The following CEP112 variants were observed in gnomAD, a reference collection of about 807,000 sequenced individuals.
CEP112 encodes centrosomal protein of 112 kDa.
CEP112 carries 127 observed loss-of-function variants against 153.0 expected under a neutral mutation model. That is an observed-to-expected ratio of 0.83 (90% CI 0.72 to 0.96). The LOEUF is 0.96. Among genes scored for constraint, CEP112 ranks in the 40% least tolerant of loss-of-function variants. CEP112 has a pLI of 0.00. For synonymous variants in CEP112, 358 were observed against 374.4 expected (o/e 0.96, Z 0.51); for missense variants, 1,089 against 1,101.2 (o/e 0.99, Z 0.16).
At chr17:65,855,300 A>G (rs1339765033) in intron 20 of CEP112, among the ~76,000 whole-genome samples, 1 of 152,148 alleles carries the variant, frequency 6.6e-6, no homozygotes, top group African/African-American at 2.4e-5. Flanking sequence ...CATAGTGTTG[A>G]CATCAGTCAG....
intron 19 of CEP112, chr17:65,903,232 G>GA (rs1338050095): frequency 6.6e-6 from 1 of 152,168 alleles, no homozygotes; most frequent in Non-Finnish European, 1.5e-5. Context: ...AGTTTTGGTG[G>GA]ATTTCAGGGG....
intron 21 of CEP112, among the ~76,000 whole-genome samples, chr17:65,820,035 A>C (rs575263545): frequency 1.3e-5 from 2 of 152,230 alleles, no homozygotes; most frequent in East Asian, 3.9e-4. Flanking sequence ...AGCTGGGTGA[A>C]GGACATATGG....
intron 4 of CEP112, among the ~76,000 whole-genome samples, chr17:66,153,688 C>T (rs1598450181): frequency 6.6e-6 from 1 of 151,988 alleles, no homozygotes; most frequent in African/African-American, 2.4e-5. Flanking sequence ...CAAGAATAGC[C>T]AAGGCAATCT....
At chr17:65,964,004 G>T (rs1165290753) in intron 17 of CEP112, among the ~76,000 whole-genome samples, 12 of 152,194 alleles carry the variant, frequency 7.9e-5, no homozygotes, top group Admixed American at 7.2e-4. Context: ...GCCCCAAGGT[G>T]TGTGATGCCC....
chr17:65,956,579 C>T (rs1369886964), intron 18 of CEP112, among the ~76,000 whole-genome samples: 2 of 150,370 alleles, frequency 1.3e-5, no homozygotes, highest in Admixed American at 6.7e-5. Context: ...GGTATGAAGA[C>T]ACAAACACAT....
intron 5 of CEP112, among the ~76,000 whole-genome samples, chr17:66,131,724 G>A (rs2070176128): frequency 6.6e-6 from 1 of 151,974 alleles, no homozygotes; most frequent in South Asian, 2.1e-4. Flanking sequence ...TCCAGCCTGG[G>A]CGACAGAGCA....
intron 17 of CEP112, among the ~76,000 whole-genome samples, chr17:65,986,827 A>G (rs2063426748): frequency 6.6e-6 from 1 of 152,300 alleles, no homozygotes; most frequent in South Asian, 2.1e-4. Flanking sequence ...AAAATCTTCA[A>G]GAGAATATGA....
intron 20 of CEP112, among the ~76,000 whole-genome samples, chr17:65,883,917 GA>G (rs903831796): frequency 3.9e-5 from 6 of 152,076 alleles, no homozygotes; most frequent in African/African-American, 4.8e-5. Flanking sequence ...TAAGAGAAAG[GA>G]AAAAAATCAA....
chr17:65,697,282 G>A (rs1487754002), intron 23 of CEP112, among the ~76,000 whole-genome samples: 1 of 152,102 alleles, frequency 6.6e-6, no homozygotes, highest in Non-Finnish European at 1.5e-5. Context: ...AATTATAAAG[G>A]TGAAATAAGG....
chr17:65,743,915 C>T (rs530740736), intron 22 of CEP112, among the ~76,000 whole-genome samples: 60 of 151,958 alleles, frequency 3.9e-4, no homozygotes, highest in Middle Eastern at 3.4e-3. Flanking sequence ...GTGCCCGTCA[C>T]GATGCCCAGC....
chr17:65,668,204 C>T (rs1567836651), intron 24 of CEP112, among the ~76,000 whole-genome samples: 1 of 152,070 alleles, frequency 6.6e-6, no homozygotes, highest in Admixed American at 6.6e-5. Flanking sequence ...CCTCCTTGGG[C>T]ACTATTCTTA....
chr17:66,116,431 T>C (rs2069297208), intron 6 of CEP112, among the ~76,000 whole-genome samples: 1 of 152,192 alleles, frequency 6.6e-6, no homozygotes, highest in African/African-American at 2.4e-5. Flanking sequence ...TTGGCTTTGT[T>C]TTTTTAATTG....
intron 6 of CEP112, among the ~76,000 whole-genome samples, chr17:66,109,794 A>G (rs2068942719): frequency 6.6e-6 from 1 of 152,194 alleles, no homozygotes; most frequent in South Asian, 2.1e-4. Flanking sequence ...TATATAAACA[A>G]AAACAGGGCA....
intron 17 of CEP112, among the ~76,000 whole-genome samples, chr17:66,002,275 T>C (rs2064091572): frequency 6.6e-6 from 1 of 152,176 alleles, no homozygotes; most frequent in Non-Finnish European, 1.5e-5. Context: ...TTGATACAAT[T>C]ACTGTGTCAG....
At chr17:65,796,239 A>C (rs2054903448) in intron 21 of CEP112, among the ~76,000 whole-genome samples, 1 of 152,128 alleles carries the variant, frequency 6.6e-6, no homozygotes, top group Non-Finnish European at 1.5e-5. Flanking sequence ...AGTTATGTAG[A>C]TATGTTTGTC....
chr17:66,035,992 A>G (rs1568412910), intron 12 of CEP112, among the ~76,000 whole-genome samples: 1 of 152,236 alleles, frequency 6.6e-6, no homozygotes, highest in Non-Finnish European at 1.5e-5. Context: ...TGAATAGCTA[A>G]AGAAAATGTG....
chr17:65,784,413 T>C (rs139439430), intron 21 of CEP112, among the ~76,000 whole-genome samples: 57 of 152,344 alleles, frequency 3.7e-4, no homozygotes, highest in African/African-American at 1.4e-3. Flanking sequence ...AAAGAACTAT[T>C]TGCCTCAGCT....
intron 20 of CEP112, among the ~76,000 whole-genome samples, chr17:65,879,702 T>C (rs983243932): frequency 2.0e-5 from 3 of 152,006 alleles, no homozygotes; most frequent in African/African-American, 7.2e-5. Flanking sequence ...AAATTTATTA[T>C]ATTTATTAAA....
At chr17:65,999,752 G>A (rs2063942212) in intron 17 of CEP112, among the ~76,000 whole-genome samples, 1 of 146,340 alleles carries the variant, frequency 6.8e-6, no homozygotes, top group Admixed American at 7.2e-5. Context: ...CCCAGTGTGT[G>A]TTGTTCCCTT....
Sources: allele counts gnomAD v4.1 joint callset (sites outside exome capture counted in the v4.1 genomes callset), GRCh38; gene constraint gnomAD v4.1.1; transcripts MANE v1.5; gene names NCBI Gene and HGNC (gene_info 2026-07-23, HGNC 2026-07-21).